Variants in PEBP4 observed in about 807,000 individuals in gnomAD.
The protein encoded by PEBP4 is phosphatidylethanolamine binding protein 4.
PEBP4 carries 22 observed loss-of-function variants against 23.9 expected under a neutral mutation model. That is an observed-to-expected ratio of 0.92 (90% CI 0.66 to 1.31). The LOEUF (loss-of-function observed/expected upper bound fraction) is 1.31, where lower values mean the gene tolerates loss of function less well. Ranked by LOEUF, PEBP4 falls within the 40% of genes most tolerant of loss-of-function variation. The probability of loss-of-function intolerance (pLI) is 0.00; values close to 1 mark genes in which losing one functional copy is unlikely to be tolerated. For synonymous variants in PEBP4, 112 were observed against 99.3 expected (o/e 1.13, Z -0.76); for missense variants, 324 against 281.7 (o/e 1.15, Z -1.07).
At chr8:22,745,968 C>T (rs1161257610) in intron 4 of PEBP4, among the ~76,000 whole-genome samples, 1 of 152,214 alleles carries the variant, frequency 6.6e-6, no homozygotes, top group Non-Finnish European at 1.5e-5. Flanking sequence ...GTCAATGATG[C>T]TGCTCCAATG....
chr8:22,904,220 A>G (rs1324484014), intron 3 of PEBP4, among the ~76,000 whole-genome samples: 1 of 152,154 alleles, frequency 6.6e-6, no homozygotes, highest in Non-Finnish European at 1.5e-5. Flanking sequence ...GTGCCTCAGT[A>G]CCTGCTGAGG....
chr8:22,723,633 G>A (rs768131853), intron 6 of PEBP4, among the ~76,000 whole-genome samples: 1 of 152,244 alleles, frequency 6.6e-6, no homozygotes, highest in African/African-American at 2.4e-5. Context: ...GTCTGGGCAA[G>A]ATACATAATT....
In PEBP4 at chr8:22,724,953, T is replaced by G. The variant is rs1804594223; in HGVS notation, c.407A>C (p.Tyr136Ser). Reference sequence around the variant, plus strand: ...GTGTGCCGGTGGGGAGGGAGCCTGGTAGGCTATAGGTAGAAGCAGGAGAGA... The same window carrying G: ...GTGTGCCGGTGGGGAGGGAGCCTGGGAGGCTATAGGTAGAAGCAGGAGAGA... The part of the protein sequence containing the change: ...GKIQGQELSA[Y>S]QAPSPPAHSG... The change falls in exon 6 of 7, where the codon TAC (tyrosine) becomes TCC (serine). Residue 136 changes from tyrosine (Y) to serine (S), a missense_variant. Physicochemically the swap from Tyr to Ser is moderately radical, Grantham distance 144 (BLOSUM62 -2). Coordinates refer to ENST00000256404, the MANE Select transcript of PEBP4 (RefSeq NM_144962.3). 1.4e-5 allele frequency: 22 copies of G among 1,610,940 alleles called. No homozygotes were observed. Among genetic ancestry groups the G allele is most frequent in the Non-Finnish European group, 1.7e-5 (20 of 1,177,342 alleles).
intron 3 of PEBP4, among the ~76,000 whole-genome samples, chr8:22,829,550 T>TG (rs939855856): frequency 6.6e-6 from 1 of 152,188 alleles, no homozygotes; most frequent in Non-Finnish European, 1.5e-5. Flanking sequence ...CCAGTGCATC[T>TG]GCCCCCAATC....
chr8:22,862,901 C>T (rs1298278631), intron 3 of PEBP4, among the ~76,000 whole-genome samples: 5 of 151,018 alleles, frequency 3.3e-5, no homozygotes, highest in Non-Finnish European at 7.4e-5. Flanking sequence ...CCCAGGTTCA[C>T]GTCATTCTCC....
At chr8:22,796,838 G>T (rs777501835) in intron 4 of PEBP4, among the ~76,000 whole-genome samples, 16 of 151,944 alleles carry the variant, frequency 1.1e-4, no homozygotes, top group Non-Finnish European at 1.9e-4. Flanking sequence ...CTGCCTATTG[G>T]ATACAATGTA....
At chr8:22,872,267 A>G (rs960369429) in intron 3 of PEBP4, among the ~76,000 whole-genome samples, 4 of 152,202 alleles carry the variant, frequency 2.6e-5, no homozygotes, top group Admixed American at 2.0e-4. Flanking sequence ...AACTCTATCC[A>G]TTGTCAGTAG....
chr8:22,786,469 G>C (rs940100891), intron 4 of PEBP4, among the ~76,000 whole-genome samples: 16 of 152,116 alleles, frequency 1.1e-4, no homozygotes, highest in African/African-American at 3.9e-4. Context: ...TTTTTGAAGA[G>C]ACGGGGGCCT....
chr8:22,874,503 T>C (rs751479808), intron 3 of PEBP4, among the ~76,000 whole-genome samples: 1 of 152,206 alleles, frequency 6.6e-6, no homozygotes, highest in African/African-American at 2.4e-5. Flanking sequence ...AGCTGTCTCT[T>C]GCCAGCCCCC....
At chr8:22,892,457 T>C (rs1808514152) in intron 3 of PEBP4, among the ~76,000 whole-genome samples, 1 of 152,214 alleles carries the variant, frequency 6.6e-6, no homozygotes, top group African/African-American at 2.4e-5. Flanking sequence ...GGTGGAATAA[T>C]TCCTGGAGGC....
At chr8:22,771,864 T>C (rs1238504911) in intron 4 of PEBP4, among the ~76,000 whole-genome samples, 6 of 152,076 alleles carry the variant, frequency 3.9e-5, no homozygotes, top group Admixed American at 3.9e-4. Context: ...CTATGTGTAA[T>C]TAAAATAGGT....
chr8:22,868,858 C>T (rs1807954755), intron 3 of PEBP4, among the ~76,000 whole-genome samples: 1 of 152,204 alleles, frequency 6.6e-6, no homozygotes, highest in Admixed American at 6.5e-5. Context: ...TCCTGGGCAG[C>T]CTGTTTTCAA....
At chr8:22,911,915 T>C (rs1808945623) in intron 3 of PEBP4, among the ~76,000 whole-genome samples, 2 of 152,208 alleles carry the variant, frequency 1.3e-5, no homozygotes, top group South Asian at 2.1e-4. Flanking sequence ...ATCTGGAACC[T>C]GTTTCCCCAG....
chr8:22,767,373 CACCAATTTT>C (rs1174724585), intron 4 of PEBP4, among the ~76,000 whole-genome samples: 2 of 152,188 alleles, frequency 1.3e-5, no homozygotes, highest in African/African-American at 4.8e-5. Flanking sequence ...TAATCCCCCC[CACCAATTTT>C]TTGTTTGTAA....
intron 4 of PEBP4, among the ~76,000 whole-genome samples, chr8:22,770,535 G>A (rs1805697403): frequency 6.6e-6 from 1 of 152,230 alleles, no homozygotes; most frequent in Admixed American, 6.5e-5. Flanking sequence ...GAATCTCTGG[G>A]TGGGTTGGGG....
At chr8:22,789,165 T>C (rs1585273175) in intron 4 of PEBP4, among the ~76,000 whole-genome samples, 1 of 152,306 alleles carries the variant, frequency 6.6e-6, no homozygotes, top group Non-Finnish European at 1.5e-5. Flanking sequence ...TCTAGAATAT[T>C]GTAACTAAAA....
chr8:22,807,285 A>C (rs11985147), intron 4 of PEBP4, among the ~76,000 whole-genome samples: 78,868 of 151,972 alleles, frequency 0.52, 21,368 homozygotes, highest in South Asian at 0.67. Context: ...ATCTGAGACA[A>C]TAGAAGCAGA....
At chr8:22,907,021 G>A (rs1008452432) in intron 3 of PEBP4, among the ~76,000 whole-genome samples, 3 of 152,226 alleles carry the variant, frequency 2.0e-5, no homozygotes, top group Admixed American at 2.0e-4. Context: ...TAGGGGATCT[G>A]GAAGGCCTCC....
chr8:22,937,178 A>C (rs1285331272), intron 1 of PEBP4, among the ~76,000 whole-genome samples: 1 of 152,258 alleles, frequency 6.6e-6, no homozygotes, highest in African/African-American at 2.4e-5. Flanking sequence ...TGACAATCTT[A>C]CATATAGAAA....
Sources: allele counts gnomAD v4.1 joint callset (sites outside exome capture counted in the v4.1 genomes callset), GRCh38; gene constraint gnomAD v4.1.1; transcripts MANE v1.5; gene names NCBI Gene and HGNC (gene_info 2026-07-23, HGNC 2026-07-21).